A1CF: variants seen among roughly 807,000 people sequenced by gnomAD.
A1CF encodes the protein APOBEC1 complementation factor.
In A1CF, 48 loss-of-function variants were observed where a neutral mutation model predicts 68.9. The ratio of observed to expected loss-of-function variants is 0.70; its 90% CI spans 0.55 to 0.89. A1CF has a LOEUF of 0.89. A1CF is among the 40% of genes least tolerant of loss of function. A1CF has a pLI of 0.00. For synonymous variants in A1CF, 272 were observed against 260.4 expected, an observed-to-expected ratio of 1.04 and a Z score of -0.43; for missense variants, 653 against 718.9, an observed-to-expected ratio of 0.91 and a Z score of 1.05.
Position 50,836,287 on chromosome 10 carries a change from C to T in A1CF, c.391G>A (p.Ala131Thr), listed in dbSNP as rs201951818. ...IRNGRLLGVC[A>T]SVDNCRLFVG... ...AATAATCGGCAGTTGTCCACACTGG[C>T]ACAAACCCCTAAGAGGCGCCCATTT... is the stretch of plus-strand genomic sequence containing the variant. Residue 131 changes from alanine (A) to threonine (T), a missense_variant, in exon 6 of 13, where the codon GCC becomes ACC. By Grantham distance (58) the Ala-to-Thr change is moderately conservative (BLOSUM62 0). Coordinates refer to ENST00000373997, the MANE Select transcript of A1CF (RefSeq NM_014576.4). 8.6e-5 allele frequency: 138 copies of T among 1,613,834 alleles called. 1 individual carries two copies. In the South Asian group the frequency reaches 1.5e-3, roughly 17 times the overall value.
chr10:50,825,864 A>G (rs1838902105), intron 7 of A1CF, among the ~76,000 whole-genome samples: 1 of 152,102 alleles, frequency 6.6e-6, no homozygotes, highest in Non-Finnish European at 1.5e-5. Flanking sequence ...GTGGTTCTCA[A>G]CTGGGGGCAA....
Position 50,844,254 on chromosome 10 carries a change from G to T in A1CF, c.100-132C>A, listed in dbSNP as rs1272568691. 3.9e-6 allele frequency: 5 copies of T among 1,285,222 alleles called. No individual in the cohort carries two copies. In the African/African-American group the frequency reaches 7.7e-5, roughly 20 times the overall value. 79.6% of individuals were successfully genotyped at this position (1,285,222 alleles called of 1,614,324 possible). A position where few individuals can be genotyped will look rare whatever the true frequency, so the allele number is the denominator to read the frequency against. ...CATTGACAAGTAATAATAGTGGACT[G>T]GTTAAAGGAGAAAAATTAAAGCTTT... On this transcript the variant is annotated intron_variant, in intron 3 of 12. Coordinates refer to ENST00000373997, the MANE Select transcript of A1CF (RefSeq NM_014576.4).
At chr10:50,807,002 T>C (rs1416999991) in intron 12 of A1CF, 122 bp from the exon 13 acceptor site, 9 of 1,022,916 alleles carry the variant, frequency 8.8e-6, no homozygotes, top group Admixed American at 2.8e-5. Context: ...AGTTAATATA[T>C]ATGTTTTAAA....
chr10:50,882,212 C>A (rs547120282), intron 1 of A1CF, among the ~76,000 whole-genome samples: 1 of 152,088 alleles, frequency 6.6e-6, no homozygotes, highest in East Asian at 1.9e-4. Context: ...CTGAGGCAGG[C>A]AGATCATGAG....
intron 10 of A1CF, among the ~76,000 whole-genome samples, chr10:50,812,684 C>A (rs1014689166): frequency 6.6e-6 from 1 of 152,168 alleles, no homozygotes; most frequent in African/African-American, 2.4e-5. Flanking sequence ...TTCATCATAT[C>A]ACTTCCAGAT....
chr10:50,850,649 A>G (rs1465536761), intron 3 of A1CF: 3 of 1,613,800 alleles, frequency 1.9e-6, no homozygotes, highest in African/African-American at 2.7e-5. Context: ...ACTCACTTCT[A>G]AGACCCTCTG....
intron 1 of A1CF, among the ~76,000 whole-genome samples, chr10:50,869,002 G>A (rs185720812): frequency 2.6e-5 from 4 of 152,242 alleles, no homozygotes; most frequent in African/African-American, 4.8e-5. Flanking sequence ...CAGGGTGGGA[G>A]GAAGGAGAGG....
chr10:50,829,219 T>C (rs1370066062), intron 6 of A1CF, among the ~76,000 whole-genome samples: 2 of 151,914 alleles, frequency 1.3e-5, no homozygotes, highest in African/African-American at 4.8e-5. Context: ...CCCTTTTTTG[T>C]TGTTGTTTTG....
chr10:50,875,593 A>G (rs1332360310), intron 1 of A1CF, among the ~76,000 whole-genome samples: 2 of 152,218 alleles, frequency 1.3e-5, no homozygotes, highest in African/African-American at 4.8e-5. Flanking sequence ...ATCCAGAGCA[A>G]TCTTCAATAT....
At chr10:50,861,751 A>G (rs997141315) in intron 2 of A1CF, among the ~76,000 whole-genome samples, 2 of 147,938 alleles carry the variant, frequency 1.4e-5, no homozygotes, top group African/African-American at 4.9e-5. Context: ...TACTATTACT[A>G]CTATTATGAT....
At chr10:50,808,923 T>A (rs896785681) in intron 12 of A1CF, among the ~76,000 whole-genome samples, 1 of 152,042 alleles carries the variant, frequency 6.6e-6, no homozygotes, top group African/African-American at 2.4e-5. Context: ...CTAGGTCTAC[T>A]TAGAGCTCTA....
intron 8 of A1CF, among the ~76,000 whole-genome samples, chr10:50,818,992 A>G (rs368560986): frequency 1.3e-5 from 2 of 152,162 alleles, no homozygotes; most frequent in Admixed American, 6.6e-5. Flanking sequence ...CATTTAGCCA[A>G]TGGGGAACAC....
chr10:50,832,398 G>A (rs990895301), intron 6 of A1CF, among the ~76,000 whole-genome samples: 1 of 152,154 alleles, frequency 6.6e-6, no homozygotes, highest in African/African-American at 2.4e-5. Context: ...TAAGTGGGCT[G>A]GATCTCAGGA....
chr10:50,874,290 TA>T (rs35561245), intron 1 of A1CF, among the ~76,000 whole-genome samples: 25,913 of 152,082 alleles, frequency 0.17, 2,317 homozygotes, highest in African/African-American at 0.2. Flanking sequence ...TACTTTCATA[TA>T]AAAATCTGTT....
chr10:50,836,544 T>C (rs1839503267), intron 5 of A1CF, among the ~76,000 whole-genome samples: 1 of 152,064 alleles, frequency 6.6e-6, no homozygotes, highest in Non-Finnish European at 1.5e-5. Flanking sequence ...TGCTTTCTTT[T>C]TTTATTTTAT....
intron 1 of A1CF, among the ~76,000 whole-genome samples, chr10:50,869,506 G>A (rs1241470961): frequency 2.6e-5 from 4 of 151,764 alleles, no homozygotes; most frequent in Admixed American, 2.6e-4. Flanking sequence ...ATTTATCTTT[G>A]TTTTTGCTAC....
chr10:50,803,173 T>G lies in A1CF; in HGVS notation c.*3556A>C, dbSNP rs1837673729. The G allele has an allele frequency of 6.6e-6, 1 of 152,338 alleles. No homozygotes were observed. Among genetic ancestry groups the G allele is most frequent in the Non-Finnish European group, 1.5e-5 (1 of 68,108 alleles). 9.4% of individuals were successfully genotyped at this position (152,338 alleles called of 1,614,324 possible). A position where few individuals can be genotyped will look rare whatever the true frequency, so the allele number is the denominator to read the frequency against. On this transcript the variant is annotated 3_prime_UTR_variant, in exon 13 of 13. Coordinates refer to ENST00000373997, the MANE Select transcript of A1CF (RefSeq NM_014576.4). ...ATGTGAACATGGCTCACTGCAGCCT[T>G]GCCCTCCAGGCCTCCAGCAATCCTC...
rs750736036 is a variant in A1CF, at chr10:50,801,947, A to G, written c.*4782T>C. ...TGCAATCTCCCACAAATGAGCCTAC[A>G]TATACATTGCTATCTATATTAAACC... On this transcript the variant is annotated 3_prime_UTR_variant, in exon 13 of 13. Transcript: ENST00000373997. 1.3e-4 allele frequency: 20 copies of G among 152,214 alleles called. No individual in the cohort carries two copies. The highest frequency in any genetic ancestry group is 2.2e-4 in the Non-Finnish European group (15 of 68,034). The allele number at this position is 152,214 out of a possible 1,614,324, so 9.4% of individuals were successfully genotyped here.
At position 50,836,306 on chromosome 10, in the gene A1CF, C is replaced by T; in HGVS notation, c.372G>A (p.Gly124=). Residue 124 remains glycine (G), a synonymous_variant, in exon 6 of 13, where the codon GGG becomes GGA. Coordinates refer to ENST00000373997, the MANE Select transcript of A1CF (RefSeq NM_014576.4). ...KQLNNYEIRN[G]RLLGVCASVD... is the part of the protein sequence containing the mutation. ...CACTGGCACAAACCCCTAAGAGGCG[C>T]CCATTTCTGCAAAAAGAGCAGGGAT... 1 of 1,608,152 alleles carries T rather than the reference C, an allele frequency of 6.2e-7. No homozygotes were observed.
Sources: allele counts gnomAD v4.1 joint callset (sites outside exome capture counted in the v4.1 genomes callset), GRCh38; gene constraint gnomAD v4.1.1; transcripts MANE v1.5; gene names NCBI Gene and HGNC (gene_info 2026-07-23, HGNC 2026-07-21).